The following PIP4K2A variants were observed in gnomAD, a reference collection of about 807,000 sequenced individuals.
The protein encoded by PIP4K2A is phosphatidylinositol 5-phosphate 4-kinase type-2 alpha.
In PIP4K2A, 14 loss-of-function variants were observed where a neutral mutation model predicts 42.9. The ratio of observed to expected loss-of-function variants is 0.33; its 90% confidence interval spans 0.22 to 0.51. PIP4K2A has a LOEUF of 0.51. Ranked by LOEUF, PIP4K2A falls within the 20% of genes least tolerant of loss-of-function variation. The pLI is 0.97. For missense variants in PIP4K2A, 434 were observed against 519.8 expected (o/e 0.83, Z 1.61); for synonymous variants, 192 against 192.2 (o/e 1.00, Z 0.01).
rs148067039 is a variant in PIP4K2A, at chr10:22,708,926, G to A, written c.144+5257C>T. Among the ~76,000 whole-genome samples, 993 of 152,268 alleles carry A rather than the reference G, an allele frequency of 6.5e-3. 5 individuals are homozygous for A. Among genetic ancestry groups the A allele is most frequent in the Non-Finnish European group, 0.01 (711 of 68,020 alleles). ...GCCTCCTGAGTAGTTCAGGCTACAG[G>A]TGTGTGCCACCATACCCATCTATGT... On this transcript the variant is annotated intron_variant, in intron 1 of 9. Transcript: ENST00000376573.
chr10:22,651,514 A>AC (rs1409847749), intron 1 of PIP4K2A, among the ~76,000 whole-genome samples: 1 of 150,626 alleles, frequency 6.6e-6, no homozygotes, highest in African/African-American at 2.4e-5. Flanking sequence ...TCACTCCCTC[A>AC]CTCTGCTTCT....
chr10:22,630,310 T>C (rs1487446745), intron 1 of PIP4K2A, among the ~76,000 whole-genome samples: 1 of 152,210 alleles, frequency 6.6e-6, no homozygotes, highest in African/African-American at 2.4e-5. Flanking sequence ...CTCCACCTAA[T>C]TTCCATAATG....
intron 6 of PIP4K2A, among the ~76,000 whole-genome samples, chr10:22,554,115 T>C (rs1398272693): frequency 6.6e-6 from 1 of 152,068 alleles, no homozygotes; most frequent in Non-Finnish European, 1.5e-5. Flanking sequence ...CACTCCAGCC[T>C]GGGTGACATA....
chr10:22,548,942 T>C (rs1836324485), intron 7 of PIP4K2A, among the ~76,000 whole-genome samples: 1 of 151,908 alleles, frequency 6.6e-6, no homozygotes, highest in Non-Finnish European at 1.5e-5. Flanking sequence ...TAGTCCCAGC[T>C]ACTATGGAGG....
chr10:22,685,567 C>T (rs887728191), intron 1 of PIP4K2A, among the ~76,000 whole-genome samples: 1 of 151,962 alleles, frequency 6.6e-6, no homozygotes, highest in Admixed American at 6.6e-5. Context: ...TTTAAAAATT[C>T]GCTGGGCATG....
chr10:22,609,544 T>C, intron 2 of PIP4K2A, 76 bp downstream of exon 2: 1 of 811,642 alleles, frequency 1.2e-6, no homozygotes. Flanking sequence ...TGACAAATTA[T>C]GTGATTACAA....
At chr10:22,542,371 GGAGA>G (rs997109234) in intron 7 of PIP4K2A, among the ~76,000 whole-genome samples, 1 of 152,198 alleles carries the variant, frequency 6.6e-6, no homozygotes, top group African/African-American at 2.4e-5. Context: ...AGAGAGACTG[GGAGA>G]GAGAGCAAGT....
rs547900849 is a variant in PIP4K2A, at chr10:22,616,110, A to G, written c.145-6393T>C. ...CTTTGTTGTCTGCATCAATAGAAAC[A>G]GGGTCAAACGGGGCGGAGAGGGCTA... On this transcript the variant is annotated intron_variant, in intron 1 of 9. Transcript: ENST00000376573. Among the ~76,000 whole-genome samples, 18 of 152,336 alleles carry G rather than the reference A, an allele frequency of 1.2e-4. No homozygotes were observed. In the South Asian group the frequency reaches 3.5e-3, roughly 30 times the overall value.
intron 7 of PIP4K2A, among the ~76,000 whole-genome samples, chr10:22,544,630 G>C (rs1386019404): frequency 6.6e-6 from 1 of 152,200 alleles, no homozygotes. Flanking sequence ...AAGGCTGAGT[G>C]GTGCCTCAAC....
intron 1 of PIP4K2A, among the ~76,000 whole-genome samples, chr10:22,669,864 C>T (rs1430947395): frequency 1.3e-5 from 2 of 152,194 alleles, no homozygotes; most frequent in East Asian, 3.8e-4. Flanking sequence ...AAATGAATGA[C>T]TATGACCTGT....
chr10:22,646,755 C>G (rs1349380164), intron 1 of PIP4K2A, among the ~76,000 whole-genome samples: 2 of 152,110 alleles, frequency 1.3e-5, no homozygotes, highest in African/African-American at 4.8e-5. Flanking sequence ...TTGTTTGCAC[C>G]CACCTGTGGA....
intron 3 of PIP4K2A, among the ~76,000 whole-genome samples, chr10:22,592,938 CAAGTT>C (rs1394907976): frequency 1.3e-5 from 2 of 152,204 alleles, no homozygotes; most frequent in African/African-American, 2.4e-5. Flanking sequence ...CAAATGCTGT[CAAGTT>C]AAGGGAACAC....
At chr10:22,608,206 G>A (rs542569132) in intron 2 of PIP4K2A, among the ~76,000 whole-genome samples, 183 bp from the exon 3 acceptor site, 17 of 152,316 alleles carry the variant, frequency 1.1e-4, no homozygotes, top group Non-Finnish European at 2.2e-4. Context: ...GGGGCCAGAC[G>A]GATGTCTGTC....
At chr10:22,641,752 T>G (rs1838787425) in intron 1 of PIP4K2A, among the ~76,000 whole-genome samples, 1 of 152,106 alleles carries the variant, frequency 6.6e-6, no homozygotes, top group Non-Finnish European at 1.5e-5. Flanking sequence ...GAGCCCCCCA[T>G]GCCCGGCCTA....
chr10:22,581,692 G>C (rs1837285823), intron 4 of PIP4K2A, among the ~76,000 whole-genome samples: 1 of 151,784 alleles, frequency 6.6e-6, no homozygotes, highest in South Asian at 2.1e-4. Context: ...CCACATAATA[G>C]CTTCCGTTAA....
chr10:22,574,997 G>GGT (rs145517809), intron 4 of PIP4K2A, among the ~76,000 whole-genome samples: 14 of 151,906 alleles, frequency 9.2e-5, no homozygotes, highest in Admixed American at 5.9e-4. Context: ...GAGCCAGAAA[G>GGT]GTGTGTGTGT....
intron 4 of PIP4K2A, among the ~76,000 whole-genome samples, chr10:22,578,680 CA>C (rs1217917063): frequency 6.6e-6 from 1 of 151,328 alleles, no homozygotes; most frequent in Admixed American, 6.6e-5. Context: ...CGATAACCCC[CA>C]AACTTATGAT....
intron 6 of PIP4K2A, among the ~76,000 whole-genome samples, chr10:22,554,787 G>A (rs1008302696): frequency 6.6e-6 from 1 of 152,168 alleles, no homozygotes. Flanking sequence ...GGTATGGGAG[G>A]GAACTGCTCT....
At chr10:22,677,807 C>T (rs10159697) in intron 1 of PIP4K2A, among the ~76,000 whole-genome samples, 18,883 of 152,172 alleles carry the variant, frequency 0.12, 1,307 homozygotes, top group Middle Eastern at 0.21. Flanking sequence ...AAAATATAAT[C>T]TAGCATCTCA....
Sources: allele counts gnomAD v4.1 joint callset (sites outside exome capture counted in the v4.1 genomes callset), GRCh38; gene constraint gnomAD v4.1.1; transcripts MANE v1.5; gene names NCBI Gene and HGNC (gene_info 2026-07-23, HGNC 2026-07-21).